Variants in SLC17A4 observed in about 807,000 individuals in gnomAD.
SLC17A4 encodes solute carrier family 17 member 4.
SLC17A4 carries 33 observed loss-of-function variants against 52.5 expected under a neutral mutation model. That is an observed-to-expected ratio of 0.63 (90% confidence interval 0.48 to 0.84). SLC17A4 has a LOEUF of 0.84. Ranked by LOEUF, SLC17A4 falls within the 40% of genes least tolerant of loss-of-function variation. The probability of loss-of-function intolerance (pLI) is 0.00; values close to 1 mark genes in which losing one functional copy is unlikely to be tolerated. For synonymous variants in SLC17A4, 225 were observed against 216.2 expected (o/e 1.04, Z -0.36); for missense variants, 585 against 597.1 (o/e 0.98, Z 0.21).
chr6:25,781,085 T>C lies in SLC17A4; in HGVS notation c.*1897T>C, dbSNP rs894890547. Reference sequence around the variant, plus strand: ...TTACAATTTTTGCATGGATGAGTCATCCATGGGTGAAAGTGGCATAAGAAA... The same window carrying C: ...TTACAATTTTTGCATGGATGAGTCACCCATGGGTGAAAGTGGCATAAGAAA... On this transcript the variant is annotated 3_prime_UTR_variant, in exon 12 of 12. Coordinates refer to ENST00000377905, the MANE Select transcript of SLC17A4 (RefSeq NM_005495.3). 6.6e-6 allele frequency: 1 copy of C among 151,836 alleles called. No homozygotes were observed. Among genetic ancestry groups the C allele is most frequent in the Non-Finnish European group, 1.5e-5 (1 of 67,996 alleles). The allele number at this position is 151,836 out of a possible 1,614,324, so 9.4% of individuals were successfully genotyped here.
Position 25,758,988 on chromosome 6 carries a change from A to G in SLC17A4, c.-36-2939A>G, listed in dbSNP as rs147870560. On this transcript the variant is annotated intron_variant, in intron 1 of 11. Transcript: ENST00000377905. The stretch of plus-strand genomic sequence containing the variant: ...TTTGCTGTATCCCAGAGGTTTTGAT[A>G]GGTTATGTCACGGTTGTCGTTCAGT... Among the ~76,000 whole-genome samples the G allele has an allele frequency of 2.1e-3, 326 of 152,184 alleles. 1 individual carries two copies. Among genetic ancestry groups the G allele is most frequent in the African/African-American group, 7.3e-3 (302 of 41,528 alleles).
chr6:25,777,640 C>A, intron 10 of SLC17A4: 1 of 290,774 alleles, frequency 3.4e-6, no homozygotes, highest in Non-Finnish European at 6.4e-6. Flanking sequence ...GACCATCAAT[C>A]TGACCATCTT....
At chr6:25,770,550 T>G in intron 5 of SLC17A4, 79 bp downstream of exon 5, 13 of 1,263,238 alleles carry the variant, frequency 1.0e-5, no homozygotes, top group Non-Finnish European at 1.5e-5. Context: ...AACCAAGATC[T>G]TATATATCAA....
chr6:25,755,870 C>T (rs1760973188), intron 1 of SLC17A4, among the ~76,000 whole-genome samples: 1 of 152,164 alleles, frequency 6.6e-6, no homozygotes, highest in Non-Finnish European at 1.5e-5. Context: ...CAACACTATT[C>T]ACTCATTTGC....
intron 2 of SLC17A4, among the ~76,000 whole-genome samples, chr6:25,767,002 A>C (rs1427302681): frequency 6.6e-6 from 1 of 152,196 alleles, no homozygotes; most frequent in Non-Finnish European, 1.5e-5. Flanking sequence ...CAGGTTTATT[A>C]ATTGCAACAA....
chr6:25,772,304 T>C (rs1464725549), intron 6 of SLC17A4, among the ~76,000 whole-genome samples: 1 of 152,176 alleles, frequency 6.6e-6, no homozygotes, highest in Non-Finnish European at 1.5e-5. Flanking sequence ...CCAACCCCAA[T>C]GTGCAACATT....
At chr6:25,760,499 A>G (rs751428932) in intron 1 of SLC17A4, among the ~76,000 whole-genome samples, 1 of 152,172 alleles carries the variant, frequency 6.6e-6, no homozygotes, top group Non-Finnish European at 1.5e-5. Context: ...CCTGAATCTG[A>G]GAAATCTTGT....
At chr6:25,777,868 T>G in intron 10 of SLC17A4, 58 bp from the exon 11 acceptor site, 131 of 1,428,090 alleles carry the variant, frequency 9.2e-5, no homozygotes, top group Non-Finnish European at 1.2e-4. Context: ...TCCCGGGTAT[T>G]GAGACTTTCA....
Position 25,773,638 on chromosome 6 carries a change from G to A in SLC17A4, c.951G>A (p.Thr317=), listed in dbSNP as rs146741384. The A allele has an allele frequency of 2.7e-5, 44 of 1,613,682 alleles. No homozygotes were observed. In the African/African-American group the frequency reaches 3.5e-4, roughly 13 times the overall value. Residue 317 remains threonine (T), a synonymous_variant, in exon 8 of 12, where the codon ACG becomes ACA. Transcript: ENST00000377905. Reference sequence around the variant, plus strand: ...ATACCATTATGGCGTACACACCAACGTACATCAGCTCGGTACTTCAAGCCA... The same window carrying A: ...ATACCATTATGGCGTACACACCAACATACATCAGCTCGGTACTTCAAGCCA... ...LFYTIMAYTP[T]YISSVLQANL...
intron 10 of SLC17A4, 187 bp downstream of exon 10, chr6:25,777,146 A>G (rs1486777716): frequency 1.5e-6 from 1 of 655,716 alleles, no homozygotes; most frequent in East Asian, 2.9e-5. Flanking sequence ...TTGTGAACTT[A>G]GTTTTTCTGG....
intron 2 of SLC17A4, among the ~76,000 whole-genome samples, chr6:25,767,434 T>C (rs1019222700): frequency 3.3e-5 from 5 of 152,156 alleles, no homozygotes; most frequent in African/African-American, 9.7e-5. Context: ...GTAGACTCTG[T>C]TATTAATCTC....
intron 8 of SLC17A4, among the ~76,000 whole-genome samples, chr6:25,775,790 T>C (rs1762860206): frequency 6.6e-6 from 1 of 152,184 alleles, no homozygotes; most frequent in African/African-American, 2.4e-5. Flanking sequence ...CATGAATGTG[T>C]ATTCTTATTT....
At chr6:25,758,877 G>T (rs1761267423) in intron 1 of SLC17A4, among the ~76,000 whole-genome samples, 1 of 151,980 alleles carries the variant, frequency 6.6e-6, no homozygotes, top group Non-Finnish European at 1.5e-5. Context: ...AGTTCCTTGA[G>T]GTGTAAACTT....
chr6:25,776,411 C>G (rs1196707050), intron 8 of SLC17A4, among the ~76,000 whole-genome samples, 184 bp from the exon 9 acceptor site: 1 of 148,870 alleles, frequency 6.7e-6, no homozygotes, highest in Non-Finnish European at 1.5e-5. Context: ...TTTTTTTTTG[C>G]AAGCAGAGCT....
intron 2 of SLC17A4, 76 bp from the exon 3 acceptor site, chr6:25,768,906 ATCT>A (rs1762244921): frequency 7.7e-7 from 1 of 1,301,498 alleles, no homozygotes. Flanking sequence ...ACAGATACCA[ATCT>A]TCTCCTTCTT....
chr6:25,770,889 TC>T (rs775012960), intron 5 of SLC17A4, 36 bp from the exon 6 acceptor site: 2 of 1,524,500 alleles, frequency 1.3e-6, no homozygotes, highest in Non-Finnish European at 1.8e-6. Flanking sequence ...CCAAGACGAG[TC>T]CTCTCACCCA....
rs1447356586 is a variant in SLC17A4, at chr6:25,779,932, T to A, written c.*744T>A. 6.6e-6 allele frequency: 1 copy of A among 152,258 alleles called. No homozygotes were observed. The highest frequency in any genetic ancestry group is 1.5e-5 in the Non-Finnish European group (1 of 68,076). The allele number at this position is 152,258 out of a possible 1,614,324, so 9.4% of individuals were successfully genotyped here. ...CCTCCAACAGTTCTTCATGTAGCAC[T>A]GCTTTTGGACAGTGACCCATGATAT... On this transcript the variant is annotated 3_prime_UTR_variant, in exon 12 of 12. Transcript: ENST00000377905.
chr6:25,763,844 T>C (rs1761764464), intron 2 of SLC17A4, among the ~76,000 whole-genome samples: 1 of 152,066 alleles, frequency 6.6e-6, no homozygotes, highest in Non-Finnish European at 1.5e-5. Flanking sequence ...GATCCCCTTT[T>C]CCCCCAGAAG....
intron 8 of SLC17A4, among the ~76,000 whole-genome samples, chr6:25,775,858 C>A (rs1023641823): frequency 4.6e-5 from 7 of 152,144 alleles, no homozygotes; most frequent in African/African-American, 1.2e-4. Context: ...TGCTTATATA[C>A]TAGGTTTTTG....
Sources: allele counts gnomAD v4.1 joint callset (sites outside exome capture counted in the v4.1 genomes callset), GRCh38; gene constraint gnomAD v4.1.1; transcripts MANE v1.5; gene names NCBI Gene and HGNC (gene_info 2026-07-23, HGNC 2026-07-21).